GRM5: variants seen among roughly 807,000 people sequenced by gnomAD.
The protein encoded by GRM5 is metabotropic glutamate receptor 5.
Under a neutral mutation model 83.1 loss-of-function variants are expected in GRM5, and 19 were observed. The ratio of observed to expected loss-of-function variants is 0.23; its 90% CI spans 0.16 to 0.34. The LOEUF (loss-of-function observed/expected upper bound fraction) is 0.34, where lower values mean the gene tolerates loss of function less well. Among genes scored for constraint, GRM5 ranks in the 10% least tolerant of loss-of-function variants. The pLI, the probability that GRM5 is intolerant of heterozygous loss-of-function variation, is 1.00. For synonymous variants in GRM5, 675 were observed against 633.6 expected (o/e 1.07, Z -0.98); for missense variants, 1,160 against 1,588.3 (o/e 0.73, Z 4.58).
chr11:88,624,443 C>T (rs759593885), intron 4 of GRM5, among the ~76,000 whole-genome samples: 19 of 152,198 alleles, frequency 1.2e-4, no homozygotes, highest in Admixed American at 7.9e-4. Flanking sequence ...GCCTTATGGA[C>T]GTACTCATGT....
intron 3 of GRM5, among the ~76,000 whole-genome samples, chr11:88,711,846 CAG>C (rs539741007): frequency 1.3e-5 from 2 of 151,912 alleles, no homozygotes; most frequent in African/African-American, 4.8e-5. Flanking sequence ...TGTGAGAACT[CAG>C]AGAGAGAGAC....
chr11:88,987,730 G>A (rs1160857767), intron 2 of GRM5, among the ~76,000 whole-genome samples: 1 of 151,828 alleles, frequency 6.6e-6, no homozygotes, highest in African/African-American at 2.4e-5. Context: ...TAACTGGGAG[G>A]CACCCCCCAG....
chr11:88,577,587 A>G (rs919194394), intron 7 of GRM5, among the ~76,000 whole-genome samples: 10 of 152,128 alleles, frequency 6.6e-5, no homozygotes, highest in African/African-American at 2.2e-4. Context: ...TGTATTGAAC[A>G]CTTTATTCTT....
chr11:89,002,138 T>G (rs1390324885), intron 2 of GRM5, among the ~76,000 whole-genome samples: 9 of 152,120 alleles, frequency 5.9e-5, no homozygotes, highest in Non-Finnish European at 1.2e-4. Context: ...ATTTCTATTT[T>G]AAGTTTAACT....
chr11:88,795,705 T>C (rs913732268), intron 3 of GRM5, among the ~76,000 whole-genome samples: 10 of 152,172 alleles, frequency 6.6e-5, no homozygotes, highest in African/African-American at 2.4e-4. Context: ...TTAAAGAGGC[T>C]GTATAATTTG....
At chr11:88,875,520 C>T (rs1944838248) in intron 2 of GRM5, among the ~76,000 whole-genome samples, 1 of 152,020 alleles carries the variant, frequency 6.6e-6, no homozygotes, top group African/African-American at 2.4e-5. Flanking sequence ...GACCCACTCC[C>T]ATGAATCACT....
chr11:88,722,413 C>A (rs1941566525), intron 3 of GRM5, among the ~76,000 whole-genome samples: 1 of 152,114 alleles, frequency 6.6e-6, no homozygotes, highest in African/African-American at 2.4e-5. Flanking sequence ...GTTTTCAACA[C>A]TTCTCCAAGT....
intron 8 of GRM5, among the ~76,000 whole-genome samples, chr11:88,550,303 T>C (rs1186149262): frequency 6.6e-6 from 1 of 152,180 alleles, no homozygotes; most frequent in Non-Finnish European, 1.5e-5. Context: ...GCTTAAGAAA[T>C]AGCTGATGAA....
intron 7 of GRM5, 58 bp from the exon 8 acceptor site, chr11:88,568,050 A>G (rs1942909191): frequency 4.5e-6 from 5 of 1,112,870 alleles, no homozygotes; most frequent in Non-Finnish European, 6.5e-6. Flanking sequence ...TGGGTCACAT[A>G]TCCCTAAGTT....
intron 3 of GRM5, among the ~76,000 whole-genome samples, chr11:88,709,816 G>GA (rs1941243701): frequency 6.6e-6 from 1 of 152,124 alleles, no homozygotes. Flanking sequence ...CTGAGTGTCT[G>GA]AAAATCTCTC....
chr11:88,740,017 A>G (rs889631269), intron 3 of GRM5, among the ~76,000 whole-genome samples: 3 of 152,104 alleles, frequency 2.0e-5, no homozygotes, highest in Non-Finnish European at 4.4e-5. Context: ...GAAGCTCATG[A>G]CACTGATTTG....
At chr11:88,918,818 C>A (rs1437122035) in intron 2 of GRM5, among the ~76,000 whole-genome samples, 2 of 151,660 alleles carry the variant, frequency 1.3e-5, no homozygotes, top group African/African-American at 4.8e-5. Context: ...AAGTAGTCAT[C>A]AATTTAAAGT....
At chr11:88,668,855 A>G (rs535712413) in intron 3 of GRM5, among the ~76,000 whole-genome samples, 1 of 152,152 alleles carries the variant, frequency 6.6e-6, no homozygotes, top group African/African-American at 2.4e-5. Flanking sequence ...TTATGCTTTT[A>G]TCAAGTTGAC....
At chr11:88,838,072 G>A (rs1338161848) in intron 3 of GRM5, among the ~76,000 whole-genome samples, 8 of 92,326 alleles carry the variant, frequency 8.7e-5, no homozygotes, top group Admixed American at 5.4e-4. Context: ...GTGACAGAGC[G>A]AGACTCCATC....
intron 2 of GRM5, among the ~76,000 whole-genome samples, chr11:88,881,782 A>T (rs1003223527): frequency 5.3e-5 from 8 of 152,194 alleles, no homozygotes; most frequent in Admixed American, 5.2e-4. Context: ...AAACAGAAAA[A>T]AAAATCCTTA....
At chr11:88,869,372 A>AT (rs1422449434) in intron 2 of GRM5, among the ~76,000 whole-genome samples, 1 of 151,256 alleles carries the variant, frequency 6.6e-6, no homozygotes, top group African/African-American at 2.4e-5. Context: ...TTAATTAAAA[A>AT]CTCATTATTA....
chr11:88,521,468 A>T (rs1184476436), intron 9 of GRM5, among the ~76,000 whole-genome samples: 2 of 152,140 alleles, frequency 1.3e-5, no homozygotes, highest in Non-Finnish European at 2.9e-5. Context: ...GCCCCTGCTG[A>T]CACAGAAGAT....
At position 88,544,566 on chromosome 11, in the gene GRM5, T is replaced by C. The variant is rs552651623; in HGVS notation, c.2631-19162A>G. Among the ~76,000 whole-genome samples, 9 of 152,320 alleles carry C rather than the reference T, an allele frequency of 5.9e-5. No homozygotes were observed. The South Asian group carries it at 1.9e-3, about 32-fold the overall frequency. On this transcript the variant is annotated intron_variant, in intron 8 of 9. Transcript: ENST00000305447. ...ACTCCTGTGAGGCTCTGCTGCCCTC[T>C]AGGGGGCCTTGTTCATCACACACTT...
chr11:89,065,286 T>TCACA (rs71046278), intron 1 of GRM5, among the ~76,000 whole-genome samples: 8,361 of 147,346 alleles, frequency 0.057, 261 homozygotes, highest in Middle Eastern at 0.13. Context: ...TGTATTGGCA[T>TCACA]CACACACACA....
Sources: allele counts gnomAD v4.1 joint callset (sites outside exome capture counted in the v4.1 genomes callset), GRCh38; gene constraint gnomAD v4.1.1; transcripts MANE v1.5; gene names NCBI Gene and HGNC (gene_info 2026-07-23, HGNC 2026-07-21).